Variants in AFG2A observed in about 807,000 individuals in gnomAD.
AFG2A encodes the protein ATPase family gene 2 protein homolog A.
At chr4:123,175,158 T>G in the AFG2A span, among the ~76,000 whole-genome samples, 2 of 152,172 alleles carry the variant, frequency 1.3e-5, no homozygotes, top group Non-Finnish European at 2.9e-5. Flanking sequence ...CATTTTTTTT[T>G]GCTTTACATT....
At chr4:123,155,037 C>T in the AFG2A span, among the ~76,000 whole-genome samples, 1 of 152,004 alleles carries the variant, frequency 6.6e-6, no homozygotes, top group African/African-American at 2.4e-5. Flanking sequence ...TGTGAACATT[C>T]TCTTGAATGT....
the AFG2A span, among the ~76,000 whole-genome samples, chr4:122,977,591 G>A: frequency 6.6e-6 from 1 of 152,258 alleles, no homozygotes; most frequent in African/African-American, 2.4e-5. Context: ...GGGCTCCCCA[G>A]AGGGCCACAG....
At chr4:123,072,398 T>G in the AFG2A span, among the ~76,000 whole-genome samples, 15 of 152,154 alleles carry the variant, frequency 9.9e-5, no homozygotes, top group Non-Finnish European at 2.2e-4. Context: ...AGGCTAGAAG[T>G]GAGGCACAGG....
chr4:123,076,657 T>A, the AFG2A span, among the ~76,000 whole-genome samples: 17 of 151,980 alleles, frequency 1.1e-4, no homozygotes, highest in African/African-American at 4.1e-4. Flanking sequence ...CCAGTCAGTA[T>A]ATATTCAGTG....
the AFG2A span, among the ~76,000 whole-genome samples, chr4:123,164,286 A>T: frequency 6.6e-6 from 1 of 152,120 alleles, no homozygotes; most frequent in Admixed American, 6.5e-5. Flanking sequence ...TTTTCTAATT[A>T]TTTCATGTGT....
At chr4:123,000,177 T>C in the AFG2A span, among the ~76,000 whole-genome samples, 1 of 150,658 alleles carries the variant, frequency 6.6e-6, no homozygotes, top group Non-Finnish European at 1.5e-5. Context: ...TTTGCTGAAG[T>C]TGCTTATCAG....
the AFG2A span, among the ~76,000 whole-genome samples, chr4:123,280,309 C>T: frequency 6.6e-6 from 1 of 152,086 alleles, no homozygotes; most frequent in Non-Finnish European, 1.5e-5. Context: ...TGTTATTCTA[C>T]CACTACTTTT....
the AFG2A span, among the ~76,000 whole-genome samples, chr4:123,014,589 TG>T: frequency 9.9e-5 from 15 of 152,184 alleles, no homozygotes; most frequent in Admixed American, 2.0e-4. Context: ...GTGCTAAGTG[TG>T]ATTGTAATGT....
At chr4:123,120,247 C>T in the AFG2A span, among the ~76,000 whole-genome samples, 1 of 152,080 alleles carries the variant, frequency 6.6e-6, no homozygotes. Flanking sequence ...TTGAGTTTCT[C>T]CGGTGAATCA....
chr4:123,153,310 A>G, the AFG2A span, among the ~76,000 whole-genome samples: 1 of 152,242 alleles, frequency 6.6e-6, no homozygotes. Context: ...AAAGCTGCAG[A>G]TCTCTGAAGG....
chr4:123,221,355 G>C, the AFG2A span, among the ~76,000 whole-genome samples: 2 of 151,974 alleles, frequency 1.3e-5, no homozygotes, highest in Non-Finnish European at 2.9e-5. Context: ...TAGAGATGTG[G>C]TCTCATTGTG....
chr4:122,997,976 C>G, the AFG2A span, among the ~76,000 whole-genome samples: 2 of 152,114 alleles, frequency 1.3e-5, no homozygotes, highest in African/African-American at 4.8e-5. Context: ...GATCCTTTCC[C>G]ATTCTTAATT....
chr4:123,183,126 G>GAACC, the AFG2A span, among the ~76,000 whole-genome samples: 1 of 152,142 alleles, frequency 6.6e-6, no homozygotes, highest in Non-Finnish European at 1.5e-5. Flanking sequence ...CCAGGTTTGA[G>GAACC]AACCAGTCAG....
At chr4:123,108,326 G>A in the AFG2A span, among the ~76,000 whole-genome samples, 138,140 of 152,180 alleles carry the variant, frequency 0.91, 62,934 homozygotes, top group East Asian at 0.98. Context: ...AGTTATGTGT[G>A]TATTGACAGT....
chr4:122,972,985 A>T, the AFG2A span, among the ~76,000 whole-genome samples: 1 of 152,050 alleles, frequency 6.6e-6, no homozygotes, highest in Admixed American at 6.6e-5. Context: ...TATTCTTTTT[A>T]AAAATTTTGG....
chr4:122,979,489 T>A, the AFG2A span: 1 of 1,332,386 alleles, frequency 7.5e-7, no homozygotes, highest in Non-Finnish European at 1.0e-6. Context: ...TTTAAAAAAA[T>A]ATTTTTCTTA....
chr4:123,206,622 C>CAAA, the AFG2A span, among the ~76,000 whole-genome samples: 1 of 152,166 alleles, frequency 6.6e-6, no homozygotes, highest in Non-Finnish European at 1.5e-5. Flanking sequence ...GGAAAAGCAT[C>CAAA]AAGGAAAGCC....
the AFG2A span, among the ~76,000 whole-genome samples, chr4:123,027,701 A>T: frequency 1.3e-5 from 2 of 152,214 alleles, no homozygotes; most frequent in Admixed American, 6.5e-5. Context: ...GGTATTTCTT[A>T]GTTGAGAAAA....
the AFG2A span, among the ~76,000 whole-genome samples, chr4:123,063,743 CAA>C: frequency 7.7e-6 from 1 of 129,716 alleles, no homozygotes. Context: ...GAGACTGTCT[CAA>C]AAAAAAAAAA....
Sources: allele counts gnomAD v4.1 joint callset (sites outside exome capture counted in the v4.1 genomes callset), GRCh38; gene constraint gnomAD v4.1.1; transcripts MANE v1.5; gene names NCBI Gene and HGNC (gene_info 2026-07-23, HGNC 2026-07-21).